The following ELOVL6 variants were observed in gnomAD, a reference collection of about 807,000 sequenced individuals.
The protein encoded by ELOVL6 is very long chain fatty acid elongase 6.
A neutral mutation model predicts 31.7 loss-of-function variants in ELOVL6; 8 were observed. The ratio of observed to expected loss-of-function variants is 0.25; its 90% CI spans 0.15 to 0.45. The LOEUF (loss-of-function observed/expected upper bound fraction) is 0.45. ELOVL6 is among the 20% of genes least tolerant of loss of function. ELOVL6 has a pLI of 1.00. For missense variants in ELOVL6, 126 were observed against 326.4 expected (o/e 0.39, Z 4.73); for synonymous variants, 101 against 117.7 (o/e 0.86, Z 0.92).
At chr4:110,186,171 C>T (rs1409470481) in intron 1 of ELOVL6, among the ~76,000 whole-genome samples, 1 of 152,074 alleles carries the variant, frequency 6.6e-6, no homozygotes, top group Admixed American at 6.6e-5. Flanking sequence ...GCCTGGGCAA[C>T]AGAGCGAGAC....
intron 1 of ELOVL6, among the ~76,000 whole-genome samples, chr4:110,184,665 A>G (rs1278700225): frequency 1.3e-5 from 2 of 152,326 alleles, no homozygotes; most frequent in East Asian, 1.9e-4. Flanking sequence ...GGCAAGCACA[A>G]TGAACCGAGA....
intron 1 of ELOVL6, among the ~76,000 whole-genome samples, chr4:110,147,780 GACACACACACAC>G (rs58644594): frequency 4.3e-4 from 61 of 142,740 alleles, no homozygotes; most frequent in Non-Finnish European, 6.8e-4. Flanking sequence ...GACAGAGCAG[GACACACACACAC>G]ACACACACAC....
rs776826906 is a variant in ELOVL6 at position 110,051,653 on chromosome 4, G to A, written c.483C>T (p.Ala161=). 59 of 1,614,142 alleles carry A rather than the reference G, an allele frequency of 3.7e-5. No individual in the cohort carries two copies. Among genetic ancestry groups the A allele is most frequent in the Non-Finnish European group, 4.8e-5 (57 of 1,180,022 alleles). The change falls in exon 4 of 4, where the codon GCC becomes GCT. Residue 161 remains alanine (A), a synonymous_variant. Coordinates refer to ENST00000302274, the MANE Select transcript of ELOVL6 (RefSeq NM_024090.3). The surrounding 1 kb of genome is among the most constrained non-coding windows in gnomAD (Gnocchi z 4.8). ...TCATAGTCATGAACCAACCTCCCCC[G>A]GCAACCATGTCTTTGTAGGAGTACC... ...YSWYSYKDMV[A]GGGWFMTMNY...
chr4:110,048,041 T>G lies in ELOVL6; in HGVS notation c.*3297A>C, dbSNP rs1235046651. On this transcript the variant is annotated 3_prime_UTR_variant, in exon 4 of 4. Coordinates refer to ENST00000302274, the MANE Select transcript of ELOVL6 (RefSeq NM_024090.3). ...CATATTAGTCTCTTTTCTCATCAGTTTCTTTACATGAGCAGAGAGGTGGAG... is the reference window on the plus strand; with the variant it reads ...CATATTAGTCTCTTTTCTCATCAGTGTCTTTACATGAGCAGAGAGGTGGAG... The G allele has an allele frequency of 6.6e-6, 1 of 152,200 alleles. No individual in the cohort carries two copies. Among genetic ancestry groups the G allele is most frequent in the Non-Finnish European group, 1.5e-5 (1 of 68,034 alleles). The allele number at this position is 152,200 out of a possible 1,614,324, so 9.4% of individuals were successfully genotyped here.
chr4:110,152,985 C>T lies in ELOVL6; in HGVS notation c.89+45262G>A, dbSNP rs572350863. Among the ~76,000 whole-genome samples the T allele has an allele frequency of 6.6e-5, 10 of 152,316 alleles. No homozygotes were observed. In the East Asian group the frequency reaches 1.5e-3, roughly 23 times the overall value. ...TGTGACCCCTCCGTGAGTATAAACA[C>T]TGGTCTATTGAAGAGCAGGAATGAC... On this transcript the variant is annotated intron_variant, in intron 1 of 3. Coordinates refer to ENST00000302274, the MANE Select transcript of ELOVL6 (RefSeq NM_024090.3).
At chr4:110,163,670 G>T (rs1260784732) in intron 1 of ELOVL6, among the ~76,000 whole-genome samples, 1 of 152,038 alleles carries the variant, frequency 6.6e-6, no homozygotes, top group South Asian at 2.1e-4. Context: ...ACTGCCAAAT[G>T]AAAAGCAAAA....
intron 1 of ELOVL6, among the ~76,000 whole-genome samples, chr4:110,117,576 G>A (rs1757202182): frequency 6.6e-6 from 1 of 151,784 alleles, no homozygotes; most frequent in Non-Finnish European, 1.5e-5. Context: ...CCTGAAGGCT[G>A]GTAGATTGAA....
intron 1 of ELOVL6, chr4:110,117,927 T>TATATATATATATATATATATA (rs1560830586): frequency 4.6e-5 from 1 of 21,834 alleles, no homozygotes; most frequent in Non-Finnish European, 9.0e-5. Context: ...TATATATATC[T>TATATATATATATATATATATA]CCCCAGAGAG....
At chr4:110,064,524 C>T (rs376480513) in intron 2 of ELOVL6, among the ~76,000 whole-genome samples, 4 of 151,996 alleles carry the variant, frequency 2.6e-5, no homozygotes, top group African/African-American at 7.3e-5. Flanking sequence ...AGTGCAGTGG[C>T]GCAATCACAG....
chr4:110,084,889 G>A (rs1244963142), intron 2 of ELOVL6, among the ~76,000 whole-genome samples: 2 of 151,640 alleles, frequency 1.3e-5, no homozygotes, highest in African/African-American at 2.4e-5. Flanking sequence ...CACCGTGCCC[G>A]GCGTATGCTG....
intron 2 of ELOVL6, among the ~76,000 whole-genome samples, chr4:110,101,066 G>A (rs898476472): frequency 6.6e-6 from 1 of 152,198 alleles, no homozygotes; most frequent in Non-Finnish European, 1.5e-5. Flanking sequence ...TTTTGAGACA[G>A]TCTTGCTCTG....
chr4:110,118,622 AT>A (rs1227495093), intron 1 of ELOVL6, among the ~76,000 whole-genome samples: 6 of 152,084 alleles, frequency 3.9e-5, no homozygotes, highest in African/African-American at 1.2e-4. Context: ...TTATATCACA[AT>A]TTCTTTATCC....
intron 2 of ELOVL6, among the ~76,000 whole-genome samples, chr4:110,084,586 ATATTTTTT>A (rs1339604352): frequency 1.3e-4 from 5 of 39,582 alleles, no homozygotes; most frequent in African/African-American, 6.9e-4. Flanking sequence ...ATATATATAT[ATATTTTTT>A]TTTTTTTTTT....
chr4:110,131,905 A>G (rs990781638), intron 1 of ELOVL6, among the ~76,000 whole-genome samples: 1 of 152,196 alleles, frequency 6.6e-6, no homozygotes, highest in South Asian at 2.1e-4. Context: ...AAATAAAGAG[A>G]AGGACAGAAA....
intron 1 of ELOVL6, among the ~76,000 whole-genome samples, chr4:110,108,853 A>T (rs1578486318): frequency 6.6e-6 from 1 of 152,234 alleles, no homozygotes; most frequent in Admixed American, 6.5e-5. Context: ...TGAAATTCAA[A>T]TCCTTGGGGT....
chr4:110,071,828 T>G (rs1755492657), intron 2 of ELOVL6, among the ~76,000 whole-genome samples: 1 of 152,222 alleles, frequency 6.6e-6, no homozygotes, highest in African/African-American at 2.4e-5. Context: ...AAATCACATC[T>G]TTCGTTGATA....
intron 1 of ELOVL6, among the ~76,000 whole-genome samples, chr4:110,182,104 T>C (rs1759290194): frequency 6.6e-6 from 1 of 152,228 alleles, no homozygotes. Flanking sequence ...ACCTTTTGTC[T>C]GTATTAGATT....
chr4:110,179,046 A>G (rs1479312667), intron 1 of ELOVL6, among the ~76,000 whole-genome samples: 1 of 152,072 alleles, frequency 6.6e-6, no homozygotes, highest in Non-Finnish European at 1.5e-5. Context: ...CTGCAAAAGT[A>G]TGTATTTTTT....
chr4:110,198,579 C>G lies in ELOVL6; in HGVS notation c.-244G>C. ...GCTCTCCTCCTCCCGGCGTCCGCAT[C>G]CACCGTAGGAGGAAATGAATGCCTT... On this transcript the variant is annotated 5_prime_UTR_variant, in exon 1 of 4. Transcript: ENST00000302274. 1 of 472,520 alleles carries G rather than the reference C, an allele frequency of 2.1e-6. No individual in the cohort carries two copies. The allele number at this position is 472,520 out of a possible 1,614,324, so 29.3% of individuals were successfully genotyped here. A position where few individuals can be genotyped will look rare whatever the true frequency, so the allele number is the denominator to read the frequency against.
Sources: allele counts gnomAD v4.1 joint callset (sites outside exome capture counted in the v4.1 genomes callset), GRCh38; gene constraint gnomAD v4.1.1; non-coding constraint Gnocchi (gnomAD v3.1); transcripts MANE v1.5; gene names NCBI Gene and HGNC (gene_info 2026-07-23, HGNC 2026-07-21).